CELF2: variants seen among roughly 807,000 people sequenced by gnomAD.
The protein encoded by CELF2 is CUG triplet repeat RNA-binding protein 2.
In CELF2, 8 loss-of-function variants were observed where a neutral mutation model predicts 62.6. That is an observed-to-expected ratio of 0.13 (90% CI 0.07 to 0.23). CELF2 has a LOEUF of 0.23. Ranked by LOEUF, CELF2 falls within the 10% of genes least tolerant of loss-of-function variation. The pLI is 1.00. For missense variants in CELF2, 333 were observed against 671.0 expected, an observed-to-expected ratio of 0.50 and a Z score of 5.56; for synonymous variants, 258 against 250.0, an observed-to-expected ratio of 1.03 and a Z score of -0.30.
chr10:11,032,657 G>A (rs1000593076), intron 1 of CELF2, among the ~76,000 whole-genome samples: 1 of 148,184 alleles, frequency 6.7e-6, no homozygotes, highest in Non-Finnish European at 1.5e-5. Flanking sequence ...CACTTTCCAG[G>A]CCCCAGTAGA....
the CELF2 span, among the ~76,000 whole-genome samples, chr10:10,574,140 A>G: frequency 6.6e-6 from 1 of 152,216 alleles, no homozygotes; most frequent in African/African-American, 2.4e-5. Context: ...ACTCTCTTAA[A>G]TAAAGGAGGG....
the CELF2 span, among the ~76,000 whole-genome samples, chr10:10,722,529 G>A: frequency 1.3e-5 from 2 of 152,214 alleles, no homozygotes; most frequent in East Asian, 3.9e-4. Context: ...ACACAACTAT[G>A]TCCCTTTTTC....
At chr10:11,041,721 CT>C (rs1333275076) in intron 1 of CELF2, among the ~76,000 whole-genome samples, 1 of 152,160 alleles carries the variant, frequency 6.6e-6, no homozygotes, top group Non-Finnish European at 1.5e-5. Flanking sequence ...CATTTTCATG[CT>C]GTGAATCCAG....
intron 1 of CELF2, among the ~76,000 whole-genome samples, chr10:10,895,586 CT>C (rs373947035): frequency 1.1e-4 from 17 of 152,210 alleles, no homozygotes; most frequent in African/African-American, 4.1e-4. Flanking sequence ...CTGGACAAAC[CT>C]TTTCCAGTTC....
intron 2 of CELF2, among the ~76,000 whole-genome samples, chr10:10,962,125 A>AAGAGGG (rs1049714849): frequency 6.6e-6 from 1 of 152,080 alleles, no homozygotes; most frequent in East Asian, 1.9e-4. Flanking sequence ...GAGAGAAGAG[A>AAGAGGG]AGAGGGAGAG....
intron 9 of CELF2, among the ~76,000 whole-genome samples, chr10:11,291,718 C>G (rs1187054152): frequency 2.6e-5 from 4 of 152,010 alleles, no homozygotes; most frequent in African/African-American, 9.7e-5. Flanking sequence ...TTATTGTTAC[C>G]CAGTTTTTAA....
At chr10:10,611,078 A>G in the CELF2 span, among the ~76,000 whole-genome samples, 1 of 152,178 alleles carries the variant, frequency 6.6e-6, no homozygotes, top group Admixed American at 6.5e-5. Context: ...TGGAAAGGAC[A>G]GATTGGAGAG....
chr10:10,707,360 G>A, the CELF2 span, among the ~76,000 whole-genome samples: 1 of 152,148 alleles, frequency 6.6e-6, no homozygotes, highest in Non-Finnish European at 1.5e-5. Context: ...ATTATGTCAA[G>A]CAGGGTAAAA....
the CELF2 span, among the ~76,000 whole-genome samples, chr10:10,629,071 T>C: frequency 6.6e-6 from 1 of 152,190 alleles, no homozygotes; most frequent in Non-Finnish European, 1.5e-5. Flanking sequence ...TTCATTCATG[T>C]AGAATCTCCT....
At chr10:11,225,401 T>A (rs1320070126) in intron 3 of CELF2, among the ~76,000 whole-genome samples, 2 of 152,258 alleles carry the variant, frequency 1.3e-5, no homozygotes, top group Non-Finnish European at 2.9e-5. Context: ...AGTGGCCCTT[T>A]CCAATCTTGC....
chr10:10,809,318 C>T (rs1023771750), intron 1 of CELF2, among the ~76,000 whole-genome samples: 1 of 152,212 alleles, frequency 6.6e-6, no homozygotes, highest in Non-Finnish European at 1.5e-5. Context: ...AGACTTCTAG[C>T]TTCCAGAATT....
Position 11,319,074 on chromosome 10 carries a change from CTCA to C in CELF2, c.1097-2113_1097-2111del. 2 of 470,548 alleles carry C rather than the reference CTCA, an allele frequency of 4.3e-6. No homozygotes were observed. The highest frequency in any genetic ancestry group is 3.1e-5 in the South Asian group (2 of 64,572). The allele number at this position is 470,548 out of a possible 1,614,324, so 29.1% of individuals were successfully genotyped here. ...GCAGGCTGCGAGGCACACCCAGAACCTCATGCCTTGAGATCCAAGCAGAGCGGC... is the reference window on the plus strand; with the variant it reads ...GCAGGCTGCGAGGCACACCCAGAACCTGCCTTGAGATCCAAGCAGAGCGGC... On this transcript the variant is annotated intron_variant, in intron 10 of 12. Transcript: ENST00000633077. The surrounding 1 kb of genome is among the most constrained non-coding windows in gnomAD (Gnocchi z 4.4).
chr10:10,722,235 G>A, the CELF2 span, among the ~76,000 whole-genome samples: 63 of 152,248 alleles, frequency 4.1e-4, no homozygotes, highest in Middle Eastern at 3.4e-3. Flanking sequence ...CCAGAAGTTG[G>A]ATGCTGTAGT....
rs2090617741 is a variant in CELF2, at chr10:11,284,815, TGG to T, written c.842-3602_842-3601del. On this transcript the variant is annotated intron_variant, in intron 8 of 12. Coordinates refer to ENST00000633077, the MANE Select transcript of CELF2 (RefSeq NM_001326342.2). The stretch of plus-strand genomic sequence containing the variant: ...GGATGGATGGTGGGCGGATGATGGA[TGG>T]ATGGGTGGGAGAATAATGGATGGAT... Among the ~76,000 whole-genome samples, 4 of 146,374 alleles carry T rather than the reference TGG, an allele frequency of 2.7e-5. No homozygotes were observed. In the South Asian group the frequency reaches 6.6e-4, roughly 24 times the overall value.
At chr10:11,082,484 A>T (rs1013557700) in intron 1 of CELF2, among the ~76,000 whole-genome samples, 1 of 152,144 alleles carries the variant, frequency 6.6e-6, no homozygotes, top group African/African-American at 2.4e-5. Context: ...GCAGGGCAGT[A>T]ACTGAGTCCT....
At chr10:10,674,335 C>CTCCTGCT in the CELF2 span, among the ~76,000 whole-genome samples, 24 of 152,294 alleles carry the variant, frequency 1.6e-4, no homozygotes, top group South Asian at 6.2e-4. Context: ...CATACAGCAA[C>CTCCTGCT]TCCTGCTTTC....
chr10:11,192,129 A>G (rs2076415988), intron 2 of CELF2, among the ~76,000 whole-genome samples: 1 of 152,116 alleles, frequency 6.6e-6, no homozygotes, highest in African/African-American at 2.4e-5. Flanking sequence ...ACAGGCTGGG[A>G]TCTTGTGAGA....
rs1168932032 is a variant in CELF2, at chr10:11,086,578, T to TAAAAAAAAAA, written c.74+68438_74+68447dup. ...AATCCATGTCTCCATTTGCATTTGT[T>TAAAAAAAAAA]AAAAAAAAAAAAAAAAAAAAAAAAA... On this transcript the variant is annotated intron_variant, in intron 1 of 12. Coordinates refer to ENST00000633077, the MANE Select transcript of CELF2 (RefSeq NM_001326342.2). Among the ~76,000 whole-genome samples, 169 of 71,972 alleles carry TAAAAAAAAAA rather than the reference T, an allele frequency of 2.3e-3. 21 individuals carry two copies. Among genetic ancestry groups the TAAAAAAAAAA allele is most frequent in the East Asian group, 7.9e-3 (10 of 1,266 alleles). The allele number at this position is 71,972 out of a possible 152,430, so 47.2% of individuals were successfully genotyped here.
the CELF2 span, among the ~76,000 whole-genome samples, chr10:10,599,620 A>C: frequency 6.6e-6 from 1 of 152,066 alleles, no homozygotes; most frequent in East Asian, 1.9e-4. Flanking sequence ...GCCTTAAAAG[A>C]GTGAAAAGGT....
Sources: gnomAD v4.1 joint callset for allele counts (sites outside exome capture counted in the v4.1 genomes callset) on GRCh38, gnomAD v4.1.1 for gene constraint, Gnocchi (gnomAD v3.1) non-coding constraint, MANE v1.5 for transcripts, NCBI Gene and HGNC (gene_info 2026-07-23, HGNC 2026-07-21) for gene names.